EFR3B: variants seen among roughly 807,000 people sequenced by gnomAD.
EFR3B encodes the protein EFR3 homolog B.
EFR3B carries 64 observed loss-of-function variants against 104.7 expected under a neutral mutation model. That is an observed-to-expected ratio of 0.61 (90% CI 0.50 to 0.75). The LOEUF (loss-of-function observed/expected upper bound fraction) is 0.75. Among genes scored for constraint, EFR3B ranks in the 30% least tolerant of loss-of-function variants. The probability of loss-of-function intolerance (pLI) is 0.00; values close to 1 mark genes in which losing one functional copy is unlikely to be tolerated. For missense variants in EFR3B, 750 were observed against 1,078.5 expected (o/e 0.70, Z 4.27); for synonymous variants, 385 against 417.9 (o/e 0.92, Z 0.96).
At chr2:25,046,779 A>G (rs1236694208) in intron 1 of EFR3B, among the ~76,000 whole-genome samples, 1 of 152,108 alleles carries the variant, frequency 6.6e-6, no homozygotes, top group Non-Finnish European at 1.5e-5. Flanking sequence ...CTGGGATTAC[A>G]GGCGTGAGCC....
At chr2:25,056,630 A>G (rs995966578) in intron 1 of EFR3B, among the ~76,000 whole-genome samples, 2 of 151,826 alleles carry the variant, frequency 1.3e-5, no homozygotes, top group Non-Finnish European at 2.9e-5. Flanking sequence ...AGAGGGAAAA[A>G]CAGCAGGGTC....
intron 1 of EFR3B, among the ~76,000 whole-genome samples, chr2:25,050,188 T>C (rs962533044): frequency 6.6e-6 from 1 of 151,816 alleles, no homozygotes; most frequent in Non-Finnish European, 1.5e-5. Context: ...CACTCATTCC[T>C]GTGAGCAGTG....
intron 4 of EFR3B, among the ~76,000 whole-genome samples, chr2:25,113,940 TCCCAGATCA>T (rs2149197021): frequency 1.3e-5 from 2 of 152,254 alleles, no homozygotes; most frequent in South Asian, 4.1e-4. Context: ...AGTAAGCTTG[TCCCAGATCA>T]CCCTACTAAT....
At chr2:25,121,566 T>G in intron 4 of EFR3B, 107 bp from the exon 5 acceptor site, 1 of 1,405,796 alleles carries the variant, frequency 7.1e-7, no homozygotes, top group Non-Finnish European at 9.7e-7. Context: ...GGCTCCAGGA[T>G]GCGTGGTTCC....
At position 25,116,488 on chromosome 2, in the gene EFR3B, G is replaced by A. The variant is rs376625170; in HGVS notation, c.364-5185G>A. On this transcript the variant is annotated intron_variant, in intron 4 of 22. Coordinates refer to ENST00000403714, the MANE Select transcript of EFR3B (RefSeq NM_014971.2). ...AAAATACAAAAATTATCCAGGTGTGGTGGCGGGCACCTGTAATCCTAGCTT... is the reference window on the plus strand; with the variant it reads ...AAAATACAAAAATTATCCAGGTGTGATGGCGGGCACCTGTAATCCTAGCTT... Among the ~76,000 whole-genome samples, 13 of 151,842 alleles carry A rather than the reference G, an allele frequency of 8.6e-5. No individual in the cohort carries two copies. In the East Asian group the frequency reaches 2.5e-3, roughly 30 times the overall value.
intron 1 of EFR3B, among the ~76,000 whole-genome samples, chr2:25,052,375 G>A (rs540969251): frequency 2.0e-5 from 3 of 151,876 alleles, no homozygotes; most frequent in Admixed American, 6.6e-5. Flanking sequence ...TTTTTCATTC[G>A]CTTCTTTGTA....
chr2:25,047,032 A>T (rs1409491576), intron 1 of EFR3B, among the ~76,000 whole-genome samples: 1 of 152,214 alleles, frequency 6.6e-6, no homozygotes, highest in Non-Finnish European at 1.5e-5. Flanking sequence ...GAAGGGGGCC[A>T]GGTGAGCCTG....
At chr2:25,065,612 C>T (rs1029005330) in intron 1 of EFR3B, among the ~76,000 whole-genome samples, 7 of 152,220 alleles carry the variant, frequency 4.6e-5, no homozygotes, top group Admixed American at 3.9e-4. Context: ...CACCTCCCCA[C>T]TGACAACCTC....
chr2:25,052,496 C>CTTTTTT (rs56005417), intron 1 of EFR3B, among the ~76,000 whole-genome samples: 15 of 95,724 alleles, frequency 1.6e-4, no homozygotes, highest in South Asian at 3.4e-4. Context: ...AGGCAGAATT[C>CTTTTTT]TTTTTTTTTT....
chr2:25,080,674 A>G lies in EFR3B; in HGVS notation c.8-10651A>G, dbSNP rs568103469. 7.1e-6 allele frequency: 5 copies of G among 700,264 alleles called. No homozygotes were observed. The East Asian group carries it at 7.7e-5, about 11-fold the overall frequency. The allele number at this position is 700,264 out of a possible 1,614,324, so 43.4% of individuals were successfully genotyped here. The stretch of plus-strand genomic sequence containing the variant: ...ACAGTCTGTATTTCCTTTCAGGCCA[A>G]TGTAGTTGAGATCTGCCTTAGCAGC... On this transcript the variant is annotated intron_variant, in intron 1 of 22. Coordinates refer to ENST00000403714, the MANE Select transcript of EFR3B (RefSeq NM_014971.2).
intron 1 of EFR3B, among the ~76,000 whole-genome samples, chr2:25,068,956 CAG>C (rs1408598326): frequency 1.8e-5 from 2 of 113,030 alleles, no homozygotes; most frequent in African/African-American, 3.5e-5. Flanking sequence ...TTTTCTGAGA[CAG>C]AGTCTCACTC....
chr2:25,104,750 G>A (rs370822316), intron 4 of EFR3B, among the ~76,000 whole-genome samples: 5 of 152,212 alleles, frequency 3.3e-5, no homozygotes, highest in South Asian at 4.1e-4. Flanking sequence ...CCCTTCCCTC[G>A]CTGTGAAGCG....
At chr2:25,058,057 G>T (rs984963552) in intron 1 of EFR3B, 3 of 152,164 alleles carry the variant, frequency 2.0e-5, no homozygotes, top group African/African-American at 4.8e-5. Flanking sequence ...TGTGCCTGTA[G>T]TCCCAGCTAC....
intron 17 of EFR3B, among the ~76,000 whole-genome samples, chr2:25,142,037 C>T (rs982690432): frequency 2.6e-5 from 4 of 152,164 alleles, no homozygotes; most frequent in Admixed American, 6.5e-5. Context: ...CGGTGGCTCA[C>T]GCCTGCAGGC....
At chr2:25,068,899 G>A (rs1280871203) in intron 1 of EFR3B, among the ~76,000 whole-genome samples, 1 of 149,148 alleles carries the variant, frequency 6.7e-6, no homozygotes, top group Non-Finnish European at 1.5e-5. Flanking sequence ...AAAGTGCTGG[G>A]ATTACAGGCG....
At chr2:25,113,408 G>A (rs11125923) in intron 4 of EFR3B, among the ~76,000 whole-genome samples, 36,309 of 151,938 alleles carry the variant, frequency 0.24, 5,618 homozygotes, top group East Asian at 0.52. Flanking sequence ...TGACCAGGCC[G>A]GGCGCGGGGG....
At chr2:25,089,411 CACT>C (rs1336659098) in intron 1 of EFR3B, among the ~76,000 whole-genome samples, 1 of 152,160 alleles carries the variant, frequency 6.6e-6, no homozygotes, top group Non-Finnish European at 1.5e-5. Flanking sequence ...CAGGAACTGA[CACT>C]ACAATTTTTT....
At position 25,131,921 on chromosome 2, in the gene EFR3B, G is replaced by A. The variant is rs1298251890; in HGVS notation, c.1147+10G>A. On this transcript the variant is annotated intron_variant, in intron 10 of 22. Coordinates refer to ENST00000403714, the MANE Select transcript of EFR3B (RefSeq NM_014971.2). This position sits in a 1 kb window ranked among gnomAD's most constrained non-coding sequence, Gnocchi z 7.6. Reference sequence around the variant, plus strand: ...GTCATCAAGACCGTGGGTGCGGCGCGGGGCCGGGCCGGGGCGGGGCGGGGC... The same window carrying A: ...GTCATCAAGACCGTGGGTGCGGCGCAGGGCCGGGCCGGGGCGGGGCGGGGC... The A allele has an allele frequency of 1.6e-5, 24 of 1,496,932 alleles. No homozygotes were observed. The highest frequency in any genetic ancestry group is 1.9e-5 in the Non-Finnish European group (21 of 1,122,250). The allele number at this position is 1,496,932 out of a possible 1,614,324, so 92.7% of individuals were successfully genotyped here.
chr2:25,093,526 A>G (rs1029914224), intron 3 of EFR3B, among the ~76,000 whole-genome samples: 14 of 152,062 alleles, frequency 9.2e-5, no homozygotes, highest in African/African-American at 3.1e-4. Flanking sequence ...GAAATAGATT[A>G]TCAAACAGAC....
Sources: allele counts gnomAD v4.1 joint callset (sites outside exome capture counted in the v4.1 genomes callset), GRCh38; gene constraint gnomAD v4.1.1; non-coding constraint Gnocchi (gnomAD v3.1); transcripts MANE v1.5; gene names NCBI Gene and HGNC (gene_info 2026-07-23, HGNC 2026-07-21).